SCAF4: variants seen among roughly 807,000 people sequenced by gnomAD.
The protein encoded by SCAF4 is SR-related and CTD-associated factor 4.
In SCAF4, 25 loss-of-function variants were observed where a neutral mutation model predicts 129.8. The ratio of observed to expected loss-of-function variants is 0.19; its 90% CI spans 0.14 to 0.27. The LOEUF (loss-of-function observed/expected upper bound fraction) is 0.27. SCAF4 is among the 10% of genes least tolerant of loss of function. The pLI, the probability that SCAF4 is intolerant of heterozygous loss-of-function variation, is 1.00. For synonymous variants in SCAF4, 551 were observed against 497.7 expected, an observed-to-expected ratio of 1.11 and a Z score of -1.43; for missense variants, 1,246 against 1,457.1, an observed-to-expected ratio of 0.86 and a Z score of 2.36.
rs1482979663 is a variant in SCAF4 at position 31,706,648 on chromosome 21, C to A, written c.31-291G>T. On this transcript the variant is annotated intron_variant, in intron 1 of 19. Coordinates refer to ENST00000286835, the MANE Select transcript of SCAF4 (RefSeq NM_020706.2). ...GCAATCGGCATGGCTGTCAGCTAAA[C>A]CTGCTCCTGCAAAAGTGGAAATGAG... The A allele has an allele frequency of 1.1e-5, 4 of 360,408 alleles. No individual in the cohort carries two copies. The Admixed American group carries it at 1.8e-4, about 16-fold the overall frequency. The allele number at this position is 360,408 out of a possible 1,614,324, so 22.3% of individuals were successfully genotyped here. A position where few individuals can be genotyped will look rare whatever the true frequency, so the allele number is the denominator to read the frequency against.
At chr21:31,695,972 A>G in intron 9 of SCAF4, 141 bp downstream of exon 9, 1 of 513,250 alleles carries the variant, frequency 1.9e-6, no homozygotes, top group Non-Finnish European at 3.4e-6. Context: ...GCAACTCAAA[A>G]TAGTTACGTG....
rs912620838 is a variant in SCAF4, at chr21:31,688,330, G to A, written c.2020C>T (p.Pro674Ser). 3 of 1,613,602 alleles carry A rather than the reference G, an allele frequency of 1.9e-6. No homozygotes were observed. Among genetic ancestry groups the A allele is most frequent in the Admixed American group, 3.3e-5 (2 of 59,994 alleles). ...VPVPPIPVPAPITVPPPQVPP... is the reference protein window; with the variant it reads ...VPVPPIPVPASITVPPPQVPP... ...ACCTGTGGAGGTGGCACTGTTATAG[G>A]TGCAGGAACAGGAATAGGAGGGACA... Residue 674 changes from proline (P) to serine (S), a missense_variant, in exon 16 of 20, where the codon CCT becomes TCT. By Grantham distance (74) the Pro-to-Ser change is moderately conservative. Around this residue, in one of 6 missense-constraint regions of SCAF4, gnomAD observed 468 missense variants for 605.5 expected, o/e 0.77. Transcript: ENST00000286835.
chr21:31,708,113 C>T (rs1003843905), intron 1 of SCAF4, among the ~76,000 whole-genome samples: 2 of 152,160 alleles, frequency 1.3e-5, no homozygotes, highest in Non-Finnish European at 2.9e-5. Context: ...TAAGGCCAGG[C>T]GCGGTGGCTC....
At chr21:31,694,097 C>G (rs1256041104) in intron 11 of SCAF4, 107 bp downstream of exon 11, 2 of 620,894 alleles carry the variant, frequency 3.2e-6, no homozygotes, top group East Asian at 5.6e-5. Flanking sequence ...AACATACCAA[C>G]TGTTATTTTA....
chr21:31,708,115 C>T (rs1326799058), intron 1 of SCAF4, among the ~76,000 whole-genome samples: 1 of 151,856 alleles, frequency 6.6e-6, no homozygotes, highest in African/African-American at 2.4e-5. Flanking sequence ...AGGCCAGGCG[C>T]GGTGGCTCAT....
At chr21:31,683,842 A>G (rs2050052494) in intron 19 of SCAF4, among the ~76,000 whole-genome samples, 1 of 152,100 alleles carries the variant, frequency 6.6e-6, no homozygotes, top group African/African-American at 2.4e-5. Context: ...ATCATTTTCC[A>G]TCATTATGGT....
At position 31,703,846 on chromosome 21, in the gene SCAF4, A is replaced by C; in HGVS notation, c.240T>G (p.Asp80Glu). The C allele has an allele frequency of 6.2e-7, 1 of 1,600,666 alleles. No individual in the cohort carries two copies. Among genetic ancestry groups the C allele is most frequent in the Non-Finnish European group, 8.5e-7 (1 of 1,169,654 alleles). ...VRQSRHQFGT[D>E]KDVFGPRFSK... is the part of the protein sequence containing the mutation. ...AGAATCTTGGCCCAAAAACATCTTTATCAGTTCCAAACTGATGACGAGACT... is the reference window on the plus strand; with the variant it reads ...AGAATCTTGGCCCAAAAACATCTTTCTCAGTTCCAAACTGATGACGAGACT... The change falls in exon 4 of 20, where the codon GAT (aspartate) becomes GAG (glutamate). Residue 80 changes from aspartate to glutamate, a missense_variant. By Grantham distance (45) the Asp-to-Glu change is conservative. Coordinates refer to ENST00000286835, the MANE Select transcript of SCAF4 (RefSeq NM_020706.2).
At chr21:31,726,335 A>C (rs1463410364) in intron 1 of SCAF4, among the ~76,000 whole-genome samples, 1 of 152,162 alleles carries the variant, frequency 6.6e-6, no homozygotes, top group African/African-American at 2.4e-5. Context: ...GTGAGCCACC[A>C]CGCCTGGCGG....
At chr21:31,705,521 T>C (rs2050635969) in intron 2 of SCAF4, 54 bp from the exon 3 acceptor site, 1 of 784,860 alleles carries the variant, frequency 1.3e-6, no homozygotes, top group East Asian at 2.9e-5. Flanking sequence ...CTACATTTCC[T>C]ATAATTAGAA....
intron 19 of SCAF4, 67 bp from the exon 20 acceptor site, chr21:31,672,421 T>C: frequency 8.1e-7 from 1 of 1,238,864 alleles, no homozygotes; most frequent in Non-Finnish European, 1.2e-6. Flanking sequence ...AGCTGTGTTC[T>C]GTGGCGCTTA....
At chr21:31,723,452 CA>C (rs200024167) in intron 1 of SCAF4, among the ~76,000 whole-genome samples, 5 of 150,972 alleles carry the variant, frequency 3.3e-5, no homozygotes, top group African/African-American at 1.2e-4. Context: ...CACTCCGTCT[CA>C]AAAAAAACAA....
intron 19 of SCAF4, among the ~76,000 whole-genome samples, chr21:31,679,007 T>C (rs2049933964): frequency 6.6e-6 from 1 of 152,158 alleles, no homozygotes; most frequent in African/African-American, 2.4e-5. Context: ...TGAATGGTGT[T>C]TGCAGAGGTG....
intron 14 of SCAF4, among the ~76,000 whole-genome samples, chr21:31,691,200 A>C (rs1165721726): frequency 6.6e-6 from 1 of 152,188 alleles, no homozygotes; most frequent in Non-Finnish European, 1.5e-5. Context: ...CAACCCAGCC[A>C]ACATAAAACT....
chr21:31,730,758 T>C (rs529131295), intron 1 of SCAF4, among the ~76,000 whole-genome samples: 14 of 152,332 alleles, frequency 9.2e-5, no homozygotes, highest in African/African-American at 3.4e-4. Flanking sequence ...GTATGGACTC[T>C]ACACTCCAAA....
chr21:31,702,307 A>T lies in SCAF4; in HGVS notation c.394T>A (p.Leu132Met). The change falls in exon 5 of 20, where the codon TTG (leucine) becomes ATG (methionine). Residue 132 changes from leucine (L) to methionine (M), a missense_variant. Physicochemically the swap from Leu to Met is conservative, Grantham distance 15 (BLOSUM62 2). Transcript: ENST00000286835. ...VFKIEIIQPL[L>M]DMAAGTSNAA... ...TTACTGGTTCCCGCTGCCATGTCCA[A>T]AAGAGGTTGAATAATTTCAATTTTG... 1 of 1,614,144 alleles carries T rather than the reference A, an allele frequency of 6.2e-7. No homozygotes were observed. Among genetic ancestry groups the T allele is most frequent in the Non-Finnish European group, 8.5e-7 (1 of 1,179,988 alleles).
intron 7 of SCAF4, among the ~76,000 whole-genome samples, chr21:31,700,473 C>T (rs916798924): frequency 1.3e-5 from 2 of 151,884 alleles, no homozygotes; most frequent in African/African-American, 2.4e-5. Flanking sequence ...AATGGCTGAA[C>T]TGTAATGTGC....
Position 31,671,715 on chromosome 21 carries a change from T to C in SCAF4, c.3128A>G (p.His1043Arg), listed in dbSNP as rs779925064. 1 of 1,614,154 alleles carries C rather than the reference T, an allele frequency of 6.2e-7. No individual in the cohort carries two copies. Among genetic ancestry groups the C allele is most frequent in the East Asian group, 2.2e-5 (1 of 44,872 alleles). ...WGRRSPDRDR[H>R]RDLEERNRRS... Reference sequence around the variant, plus strand: ...TCTATTTCTCTCTTCCAAGTCTCTGTGCCTGTCCCGGTCAGGGCTCCTCCT... The same window carrying C: ...TCTATTTCTCTCTTCCAAGTCTCTGCGCCTGTCCCGGTCAGGGCTCCTCCT... Residue 1043 changes from histidine to arginine, a missense_variant, in exon 20 of 20, where the codon CAC becomes CGC. Physicochemically the swap from His to Arg is conservative, Grantham distance 29. Coordinates refer to ENST00000286835, the MANE Select transcript of SCAF4 (RefSeq NM_020706.2).
At chr21:31,710,407 G>A (rs551610335) in intron 1 of SCAF4, among the ~76,000 whole-genome samples, 1 of 152,106 alleles carries the variant, frequency 6.6e-6, no homozygotes, top group Admixed American at 6.5e-5. Flanking sequence ...AAATTAACTG[G>A]GTGTGGTGGC....
At chr21:31,689,812 G>A (rs2050216051) in intron 15 of SCAF4, among the ~76,000 whole-genome samples, 1 of 151,804 alleles carries the variant, frequency 6.6e-6, no homozygotes, top group Admixed American at 6.6e-5. Flanking sequence ...GCACGCGCCT[G>A]TAGTCCCAGC....
Sources: gnomAD v4.1 joint callset for allele counts (sites outside exome capture counted in the v4.1 genomes callset) on GRCh38, gnomAD v4.1.1 for gene constraint, gnomAD v4.1.1 regional missense constraint, MANE v1.5 for transcripts, NCBI Gene and HGNC (gene_info 2026-07-23, HGNC 2026-07-21) for gene names.